SLIT3: variants seen among roughly 807,000 people sequenced by gnomAD.
The protein encoded by SLIT3 is slit guidance ligand 3, also known as slit homolog 3 protein.
Under a neutral mutation model 184.0 loss-of-function variants are expected in SLIT3, and 68 were observed. That is an observed-to-expected ratio of 0.37 (90% CI 0.30 to 0.45). The LOEUF (loss-of-function observed/expected upper bound fraction) is 0.45, where lower values mean the gene tolerates loss of function less well. Ranked by LOEUF, SLIT3 falls within the 20% of genes least tolerant of loss-of-function variation. The probability of loss-of-function intolerance (pLI) is 1.00; values close to 1 mark genes in which losing one functional copy is unlikely to be tolerated. For missense variants in SLIT3, 1,707 were observed against 2,026.0 expected, an observed-to-expected ratio of 0.84 and a Z score of 3.02; for synonymous variants, 831 against 828.6, an observed-to-expected ratio of 1.00 and a Z score of -0.05.
At chr5:168,943,901 C>T (rs1268160513) in intron 4 of SLIT3, among the ~76,000 whole-genome samples, 3 of 152,168 alleles carry the variant, frequency 2.0e-5, no homozygotes, top group Non-Finnish European at 2.9e-5. Flanking sequence ...AAACTGCTGA[C>T]AGTTGCTTTA....
intron 4 of SLIT3, among the ~76,000 whole-genome samples, chr5:169,138,697 C>A (rs1761615846): frequency 6.6e-6 from 1 of 152,224 alleles, no homozygotes; most frequent in Admixed American, 6.5e-5. Context: ...GCACTGCGAG[C>A]CTTGCGTGTT....
chr5:169,209,885 C>T (rs572338278), intron 3 of SLIT3, among the ~76,000 whole-genome samples: 4 of 152,154 alleles, frequency 2.6e-5, no homozygotes, highest in East Asian at 1.9e-4. Flanking sequence ...CTATGGCACA[C>T]GTATACCTAT....
At chr5:169,101,994 A>T (rs1031442462) in intron 4 of SLIT3, among the ~76,000 whole-genome samples, 12 of 152,110 alleles carry the variant, frequency 7.9e-5, no homozygotes, top group Non-Finnish European at 1.8e-4. Flanking sequence ...ACAGTTCTAG[A>T]CTTATTTGTC....
intron 4 of SLIT3, among the ~76,000 whole-genome samples, chr5:169,158,016 TC>T (rs1371346504): frequency 6.7e-6 from 1 of 149,026 alleles, no homozygotes; most frequent in Non-Finnish European, 1.5e-5. Flanking sequence ...TAATCAGATA[TC>T]AAAAAGAAGA....
intron 3 of SLIT3, among the ~76,000 whole-genome samples, chr5:169,226,404 C>T (rs1054982254): frequency 2.0e-5 from 3 of 152,152 alleles, no homozygotes; most frequent in African/African-American, 4.8e-5. Context: ...CCACTACCCC[C>T]CTACTCAGTC....
chr5:168,774,523 G>A, intron 12 of SLIT3, 145 bp from the exon 13 acceptor site: 1 of 871,268 alleles, frequency 1.1e-6, no homozygotes, highest in South Asian at 1.7e-5. Context: ...GAAAAAGAGA[G>A]AGACCTGCCT....
chr5:169,011,164 G>A (rs1165164934), intron 4 of SLIT3, among the ~76,000 whole-genome samples: 1 of 152,098 alleles, frequency 6.6e-6, no homozygotes, highest in Admixed American at 6.5e-5. Context: ...TTGCTTCTGA[G>A]TCCCAGCCTG....
chr5:168,975,527 G>C (rs1324548427), intron 4 of SLIT3, among the ~76,000 whole-genome samples: 3 of 151,546 alleles, frequency 2.0e-5, no homozygotes, highest in Non-Finnish European at 4.4e-5. Flanking sequence ...AGCCACACAT[G>C]GGCACGTATC....
intron 4 of SLIT3, among the ~76,000 whole-genome samples, chr5:169,031,878 T>A (rs1354467442): frequency 6.6e-6 from 1 of 152,208 alleles, no homozygotes; most frequent in Non-Finnish European, 1.5e-5. Flanking sequence ...GTGGTTTTCC[T>A]TTGTTACACA....
At chr5:169,208,014 C>G (rs1423753756) in intron 3 of SLIT3, among the ~76,000 whole-genome samples, 1 of 152,116 alleles carries the variant, frequency 6.6e-6, no homozygotes, top group Admixed American at 6.5e-5. Context: ...TGGACTAAGA[C>G]TACACAATTC....
At chr5:168,987,198 C>G (rs1330525525) in intron 4 of SLIT3, among the ~76,000 whole-genome samples, 2 of 152,224 alleles carry the variant, frequency 1.3e-5, no homozygotes, top group Non-Finnish European at 2.9e-5. Context: ...GGAATCCTGA[C>G]AACTCTAGTT....
chr5:168,723,625 C>T (rs933082776), intron 21 of SLIT3, among the ~76,000 whole-genome samples: 5 of 152,196 alleles, frequency 3.3e-5, no homozygotes, highest in East Asian at 1.9e-4. Context: ...TTCTGGCATT[C>T]ATTTACTCCG....
chr5:169,139,988 G>A (rs1468214465), intron 4 of SLIT3, among the ~76,000 whole-genome samples: 1 of 152,170 alleles, frequency 6.6e-6, no homozygotes, highest in African/African-American at 2.4e-5. Flanking sequence ...GGGCTGGCCT[G>A]CTGCCACCTC....
chr5:168,987,297 T>C (rs1252583432), intron 4 of SLIT3, among the ~76,000 whole-genome samples: 1 of 152,188 alleles, frequency 6.6e-6, no homozygotes, highest in East Asian at 1.9e-4. Flanking sequence ...ACCAAGTTAA[T>C]CTCTCCCACA....
intron 4 of SLIT3, among the ~76,000 whole-genome samples, chr5:169,128,002 A>C (rs1418309118): frequency 6.6e-6 from 1 of 152,152 alleles, no homozygotes; most frequent in Non-Finnish European, 1.5e-5. Context: ...TTCTCAAGGC[A>C]TTAAAAACTT....
At chr5:169,215,061 T>A (rs1862154) in intron 3 of SLIT3, among the ~76,000 whole-genome samples, 8,746 of 152,234 alleles carry the variant, frequency 0.057, 397 homozygotes, top group East Asian at 0.19. Flanking sequence ...ATGATCTCCC[T>A]ATAATACAAA....
At chr5:168,787,970 A>G (rs895436833) in intron 11 of SLIT3, among the ~76,000 whole-genome samples, 1 of 150,426 alleles carries the variant, frequency 6.6e-6, no homozygotes. Flanking sequence ...GCATGAATGA[A>G]TGAATAAATC....
chr5:168,830,441 G>C (rs576222312), intron 6 of SLIT3, among the ~76,000 whole-genome samples: 2 of 152,316 alleles, frequency 1.3e-5, no homozygotes, highest in South Asian at 4.1e-4. Flanking sequence ...AGCATCCTTA[G>C]AGAAAACCTA....
intron 4 of SLIT3, among the ~76,000 whole-genome samples, chr5:169,117,979 C>T (rs1353028823): frequency 1.3e-5 from 2 of 152,196 alleles, no homozygotes. Context: ...ATGGTTGTCA[C>T]ATTCTATGAT....
Sources: allele counts gnomAD v4.1 joint callset (sites outside exome capture counted in the v4.1 genomes callset), GRCh38; gene constraint gnomAD v4.1.1; transcripts MANE v1.5; gene names NCBI Gene and HGNC (gene_info 2026-07-23, HGNC 2026-07-21).